Variants in FAM135B observed in about 807,000 individuals in gnomAD.
The protein encoded by FAM135B is family with sequence similarity 135 member B.
FAM135B carries 43 observed loss-of-function variants against 127.7 expected under a neutral mutation model. The ratio of observed to expected loss-of-function variants is 0.34; its 90% CI spans 0.26 to 0.43. The LOEUF (loss-of-function observed/expected upper bound fraction) is 0.43, where lower values mean the gene tolerates loss of function less well. FAM135B is among the 20% of genes least tolerant of loss of function. FAM135B has a pLI of 1.00. For missense variants in FAM135B, 1,558 were observed against 1,725.6 expected, an observed-to-expected ratio of 0.90 and a Z score of 1.72; for synonymous variants, 670 against 665.1, an observed-to-expected ratio of 1.01 and a Z score of -0.11.
rs183578027 is a variant in FAM135B at position 138,335,469 on chromosome 8, A to G, written c.78-24549T>C. Among the ~76,000 whole-genome samples the G allele has an allele frequency of 8.8e-3, 1,336 of 152,368 alleles. 24 individuals are homozygous for G. Among genetic ancestry groups the G allele is most frequent in the African/African-American group, 0.031 (1,282 of 41,588 alleles). On this transcript the variant is annotated intron_variant, in intron 2 of 19. Transcript: ENST00000395297. ...AGGGGTTGCAATCCTAGTCTCAGAT[A>G]AAACAGACTTTAAACCAACAAAGAT... is the stretch of plus-strand genomic sequence containing the variant.
At chr8:138,329,467 T>G (rs1828022317) in intron 2 of FAM135B, among the ~76,000 whole-genome samples, 1 of 152,232 alleles carries the variant, frequency 6.6e-6, no homozygotes, top group African/African-American at 2.4e-5. Context: ...TTCCATTTCC[T>G]CATCAATCAA....
intron 3 of FAM135B, among the ~76,000 whole-genome samples, chr8:138,274,320 T>C (rs1278361675): frequency 6.6e-6 from 1 of 152,194 alleles, no homozygotes; most frequent in East Asian, 1.9e-4. Context: ...GGTTCCGTGA[T>C]GCCCCACAAG....
At chr8:138,351,610 C>G (rs190753613) in intron 2 of FAM135B, among the ~76,000 whole-genome samples, 1 of 152,072 alleles carries the variant, frequency 6.6e-6, no homozygotes, top group Admixed American at 6.6e-5. Context: ...TTCATACACC[C>G]AGTTTTGGAT....
At chr8:138,150,983 C>A (rs1411299232) in intron 13 of FAM135B, among the ~76,000 whole-genome samples, 1 of 151,802 alleles carries the variant, frequency 6.6e-6, no homozygotes, top group Non-Finnish European at 1.5e-5. Flanking sequence ...ACTTATTGAC[C>A]ATTTTTACTT....
intron 1 of FAM135B, among the ~76,000 whole-genome samples, chr8:138,432,150 A>G (rs551988728): frequency 1.3e-5 from 2 of 152,326 alleles, no homozygotes; most frequent in South Asian, 4.1e-4. Context: ...GGCACAAAAG[A>G]GGAGAGACTA....
chr8:138,180,902 T>C (rs1814958620), intron 9 of FAM135B, among the ~76,000 whole-genome samples: 1 of 152,128 alleles, frequency 6.6e-6, no homozygotes, highest in Non-Finnish European at 1.5e-5. Flanking sequence ...AAACAGGGAA[T>C]GGCCATTCTT....
chr8:138,384,977 C>T (rs1790965592), intron 1 of FAM135B, among the ~76,000 whole-genome samples: 3 of 152,156 alleles, frequency 2.0e-5, no homozygotes, highest in Non-Finnish European at 4.4e-5. Flanking sequence ...GTTTCATGCC[C>T]TCACATCGGC....
intron 3 of FAM135B, among the ~76,000 whole-genome samples, chr8:138,303,601 TA>T (rs1290100952): frequency 6.6e-6 from 1 of 151,690 alleles, no homozygotes; most frequent in Admixed American, 6.6e-5. Flanking sequence ...TAAAGTAAAA[TA>T]AAAAAATAAA....
intron 9 of FAM135B, among the ~76,000 whole-genome samples, chr8:138,187,709 T>A (rs975227887): frequency 1.3e-5 from 2 of 152,230 alleles, no homozygotes; most frequent in African/African-American, 4.8e-5. Flanking sequence ...AGGAACATCT[T>A]TTGTTATTCA....
At chr8:138,358,610 C>A (rs1830228758) in intron 2 of FAM135B, 1 of 152,166 alleles carries the variant, frequency 6.6e-6, no homozygotes. Context: ...ATAACTTGCC[C>A]ATGGGTACCC....
At chr8:138,194,912 A>G (rs1816484836) in intron 9 of FAM135B, among the ~76,000 whole-genome samples, 1 of 152,240 alleles carries the variant, frequency 6.6e-6, no homozygotes, top group Non-Finnish European at 1.5e-5. Context: ...ATCTGTGCAC[A>G]GGTACAAGAT....
intron 7 of FAM135B, among the ~76,000 whole-genome samples, chr8:138,212,222 A>AC (rs1818199363): frequency 6.6e-6 from 1 of 152,210 alleles, no homozygotes; most frequent in Non-Finnish European, 1.5e-5. Context: ...TGCTAAGAGT[A>AC]CATAGAAGAC....
At chr8:138,196,425 C>T (rs1312350140) in intron 8 of FAM135B, among the ~76,000 whole-genome samples, 6 of 152,194 alleles carry the variant, frequency 3.9e-5, no homozygotes, top group Admixed American at 3.3e-4. Flanking sequence ...AATTCAACAA[C>T]TATAACCCTG....
In FAM135B at chr8:138,240,989, C is replaced by A. The variant is rs187420724; in HGVS notation, c.669+1953G>T. ...GCAGTAGATTCTGACGTTCTGAGGGCCAGCACTGGCTCTGAGACTCTTCAG... is the reference window on the plus strand; with the variant it reads ...GCAGTAGATTCTGACGTTCTGAGGGACAGCACTGGCTCTGAGACTCTTCAG... On this transcript the variant is annotated intron_variant, in intron 7 of 19. Coordinates refer to ENST00000395297, the MANE Select transcript of FAM135B (RefSeq NM_015912.4). 7.2e-5 allele frequency among the ~76,000 whole-genome samples: 11 copies of A among 152,270 alleles called. No individual in the cohort carries two copies. In the East Asian group the frequency reaches 1.9e-3, roughly 27 times the overall value.
intron 1 of FAM135B, among the ~76,000 whole-genome samples, chr8:138,452,485 AGGAAAAATAAAAGT>A (rs1049110827): frequency 6.6e-5 from 10 of 152,266 alleles, no homozygotes; most frequent in African/African-American, 2.4e-4. Context: ...TGAGAGGCCC[AGGAAAAATAAAAGT>A]GTCCACACCA....
chr8:138,226,769 C>A (rs986575113), intron 7 of FAM135B, among the ~76,000 whole-genome samples: 1 of 152,158 alleles, frequency 6.6e-6, no homozygotes, highest in Admixed American at 6.5e-5. Flanking sequence ...ACCATGTTGG[C>A]CAGGCTAGTC....
chr8:138,413,074 G>A (rs1402212943), intron 1 of FAM135B, among the ~76,000 whole-genome samples: 1 of 152,164 alleles, frequency 6.6e-6, no homozygotes, highest in Admixed American at 6.5e-5. Context: ...TAATTTGAAA[G>A]TTTTATAATT....
chr8:138,295,878 G>A (rs1321107415), intron 3 of FAM135B, among the ~76,000 whole-genome samples: 1 of 152,114 alleles, frequency 6.6e-6, no homozygotes, highest in Non-Finnish European at 1.5e-5. Flanking sequence ...GATCTGGTAG[G>A]AAATAAATAA....
intron 7 of FAM135B, among the ~76,000 whole-genome samples, chr8:138,200,106 C>T (rs1816991993): frequency 6.6e-6 from 1 of 152,200 alleles, no homozygotes; most frequent in African/African-American, 2.4e-5. Context: ...CCACAGAGTA[C>T]AGGGAAGAGA....
Sources: gnomAD v4.1 joint callset for allele counts (sites outside exome capture counted in the v4.1 genomes callset) on GRCh38, gnomAD v4.1.1 for gene constraint, MANE v1.5 for transcripts, NCBI Gene and HGNC (gene_info 2026-07-23, HGNC 2026-07-21) for gene names.